Variants in GREB1L observed in about 807,000 individuals in gnomAD.
The protein encoded by GREB1L is GREB1-like protein.
GREB1L carries 17 observed loss-of-function variants against 200.8 expected under a neutral mutation model. The ratio of observed to expected loss-of-function variants is 0.08; its 90% confidence interval spans 0.06 to 0.13. GREB1L has a LOEUF of 0.13. Among genes scored for constraint, GREB1L ranks in the 10% least tolerant of loss-of-function variants. The pLI, the probability that GREB1L is intolerant of heterozygous loss-of-function variation, is 1.00. For synonymous variants in GREB1L, 789 were observed against 893.0 expected, an observed-to-expected ratio of 0.88 and a Z score of 2.08; for missense variants, 1,657 against 2,367.7, an observed-to-expected ratio of 0.70 and a Z score of 6.23.
At chr18:21,516,876 A>ATTTTT in intron 30 of GREB1L, 122 bp downstream of exon 30, 6 of 478,774 alleles carry the variant, frequency 1.3e-5, no homozygotes, top group Non-Finnish European at 2.1e-5. Flanking sequence ...AACACAAGGG[A>ATTTTT]GTTTTTTTTT....
chr18:21,518,630 G>C (rs2037507010), intron 31 of GREB1L, among the ~76,000 whole-genome samples: 1 of 152,172 alleles, frequency 6.6e-6, no homozygotes, highest in Non-Finnish European at 1.5e-5. Flanking sequence ...CTTCATAAAA[G>C]TGTGAGTTCT....
intron 1 of GREB1L, among the ~76,000 whole-genome samples, chr18:21,245,294 G>A (rs1475941508): frequency 6.6e-6 from 1 of 152,132 alleles, no homozygotes. Context: ...TAATTATTTT[G>A]AATAAGTCTA....
chr18:21,522,108 AAACAT>A (rs1389501842), intron 32 of GREB1L, among the ~76,000 whole-genome samples: 3 of 151,894 alleles, frequency 2.0e-5, no homozygotes, highest in Non-Finnish European at 2.9e-5. Context: ...AACACATGAG[AAACAT>A]AACATTAGTT....
intron 2 of GREB1L, among the ~76,000 whole-genome samples, chr18:21,380,964 C>T (rs1212583921): frequency 1.3e-5 from 2 of 152,036 alleles, no homozygotes; most frequent in Non-Finnish European, 2.9e-5. Flanking sequence ...CCAGGCACGC[C>T]GGGCGCGGTG....
At chr18:21,254,975 T>G (rs1215842693) in intron 1 of GREB1L, among the ~76,000 whole-genome samples, 1 of 152,288 alleles carries the variant, frequency 6.6e-6, no homozygotes, top group South Asian at 2.1e-4. Context: ...ATAACTGATG[T>G]AGAATATTCA....
chr18:21,464,542 C>CAAAA (rs11477392), intron 15 of GREB1L, among the ~76,000 whole-genome samples: 1 of 66,434 alleles, frequency 1.5e-5, no homozygotes. Context: ...GACACCATCT[C>CAAAA]AAAAAAAAAA....
At chr18:21,361,652 GT>G (rs2039581702) in intron 1 of GREB1L, among the ~76,000 whole-genome samples, 1 of 151,752 alleles carries the variant, frequency 6.6e-6, no homozygotes, top group Non-Finnish European at 1.5e-5. Context: ...CCCTTTTAGG[GT>G]TTCATTTTGA....
At chr18:21,337,224 C>T (rs1419162110) in intron 1 of GREB1L, among the ~76,000 whole-genome samples, 1 of 152,084 alleles carries the variant, frequency 6.6e-6, no homozygotes, top group Non-Finnish European at 1.5e-5. Context: ...CCTAAGCATA[C>T]TGTTGAATCT....
chr18:21,472,546 A>G (rs2035523852), intron 15 of GREB1L, among the ~76,000 whole-genome samples: 1 of 152,154 alleles, frequency 6.6e-6, no homozygotes, highest in South Asian at 2.1e-4. Flanking sequence ...AAACACTACC[A>G]TGAAAAGCTG....
chr18:21,264,363 CT>C (rs942308333), intron 1 of GREB1L, among the ~76,000 whole-genome samples: 4 of 151,872 alleles, frequency 2.6e-5, no homozygotes, highest in Admixed American at 2.6e-4. Context: ...TTCCTCTTCT[CT>C]TTTGGATCAC....
intron 5 of GREB1L, among the ~76,000 whole-genome samples, chr18:21,396,410 T>A (rs975955003): frequency 2.0e-5 from 3 of 152,204 alleles, no homozygotes; most frequent in Non-Finnish European, 4.4e-5. Context: ...CAGACATTTT[T>A]AAAAAGCATG....
intron 1 of GREB1L, among the ~76,000 whole-genome samples, chr18:21,321,644 G>A (rs1020006861): frequency 2.6e-5 from 4 of 151,938 alleles, no homozygotes; most frequent in East Asian, 1.9e-4. Flanking sequence ...CTGAGATTGC[G>A]CCATTGCACT....
At chr18:21,302,810 C>G (rs1158645231) in intron 1 of GREB1L, among the ~76,000 whole-genome samples, 3 of 152,142 alleles carry the variant, frequency 2.0e-5, no homozygotes, top group African/African-American at 4.8e-5. Flanking sequence ...CAACCTCCCC[C>G]TCCCAGGTTC....
At chr18:21,399,453 T>TTGGATGGA (rs111906534) in intron 5 of GREB1L, among the ~76,000 whole-genome samples, 52,179 of 145,878 alleles carry the variant, frequency 0.36, 9,509 homozygotes, top group Middle Eastern at 0.5. Flanking sequence ...GGATGGATGG[T>TTGGATGGA]TGGATGGATG....
intron 2 of GREB1L, among the ~76,000 whole-genome samples, chr18:21,382,366 GT>G (rs2144023978): frequency 6.6e-6 from 1 of 152,062 alleles, no homozygotes; most frequent in East Asian, 1.9e-4. Flanking sequence ...TAAAAAAATA[GT>G]TTTGACTTTG....
At chr18:21,392,153 T>C (rs1271442694) in intron 4 of GREB1L, among the ~76,000 whole-genome samples, 1 of 152,228 alleles carries the variant, frequency 6.6e-6, no homozygotes, top group African/African-American at 2.4e-5. Context: ...ATTCATGCTG[T>C]ACAAGAAAGA....
chr18:21,355,025 T>C lies in GREB1L; in HGVS notation c.-119-11002T>C, dbSNP rs538807066. On this transcript the variant is annotated intron_variant, in intron 1 of 32. Transcript: ENST00000424526. ...GACAATTAGACAAGTTGATACCAGCTCTTGGGAAGAGGCCTCAGTTCCAAC... is the reference window on the plus strand; with the variant it reads ...GACAATTAGACAAGTTGATACCAGCCCTTGGGAAGAGGCCTCAGTTCCAAC... Among the ~76,000 whole-genome samples the C allele has an allele frequency of 5.3e-5, 8 of 152,140 alleles. No homozygotes were observed. In the South Asian group the frequency reaches 1.5e-3, roughly 28 times the overall value.
intron 18 of GREB1L, among the ~76,000 whole-genome samples, chr18:21,489,644 G>A (rs2036253990): frequency 6.6e-6 from 1 of 152,092 alleles, no homozygotes; most frequent in African/African-American, 2.4e-5. Flanking sequence ...GCAATTCCCT[G>A]GGAGTCTTGT....
At chr18:21,307,278 G>A (rs1395432228) in intron 1 of GREB1L, among the ~76,000 whole-genome samples, 7 of 152,088 alleles carry the variant, frequency 4.6e-5, no homozygotes, top group Non-Finnish European at 1.0e-4. Flanking sequence ...TTAATCCTTC[G>A]ATCAGTTCCC....
Sources: gnomAD v4.1 joint callset for allele counts (sites outside exome capture counted in the v4.1 genomes callset) on GRCh38, gnomAD v4.1.1 for gene constraint, MANE v1.5 for transcripts, NCBI Gene and HGNC (gene_info 2026-07-23, HGNC 2026-07-21) for gene names.